UBE2W: variants seen among roughly 807,000 people sequenced by gnomAD.
UBE2W encodes ubiquitin-conjugating enzyme E2 W.
Under a neutral mutation model 27.2 loss-of-function variants are expected in UBE2W, and 18 were observed. That is an observed-to-expected ratio of 0.66 (90% CI 0.46 to 0.98). The LOEUF (loss-of-function observed/expected upper bound fraction) is 0.98, where lower values mean the gene tolerates loss of function less well. Ranked by LOEUF, UBE2W falls within the 50% of genes least tolerant of loss-of-function variation. UBE2W has a pLI of 0.00. For synonymous variants in UBE2W, 53 were observed against 57.2 expected, an observed-to-expected ratio of 0.93 and a Z score of 0.33; for missense variants, 90 against 180.2, an observed-to-expected ratio of 0.50 and a Z score of 2.87.
downstream of UBE2W, among the ~76,000 whole-genome samples, chr8:73,781,634 T>TA (rs1446472138): frequency 1.3e-4 from 19 of 150,138 alleles, no homozygotes; most frequent in Admixed American, 4.0e-4. Context: ...TTTTTTTTTT[T>TA]TTTATTTTTA....
intron 5 of UBE2W, chr8:73,795,747 T>A: frequency 1.0e-6 from 1 of 971,504 alleles, no homozygotes; most frequent in Non-Finnish European, 1.2e-6. Flanking sequence ...AAGAATAGTA[T>A]CTTTAAGAAA....
At position 73,793,759 on chromosome 8, in the gene UBE2W, C is replaced by T. The variant is rs896961239; in HGVS notation, c.*343G>A. The stretch of plus-strand genomic sequence containing the variant: ...TACAACGCCCATTGCCGGCAATGAA[C>T]GTACCAAAACCGCCAAGGAAGTCAT... On this transcript the variant is annotated 3_prime_UTR_variant, in exon 6 of 6. Coordinates refer to ENST00000602593, the MANE Select transcript of UBE2W (RefSeq NM_018299.6). 1.9e-6 allele frequency: 2 copies of T among 1,036,286 alleles called. No homozygotes were observed. Among genetic ancestry groups the T allele is most frequent in the South Asian group, 4.5e-5 (1 of 22,146 alleles). 64.2% of individuals were successfully genotyped at this position (1,036,286 alleles called of 1,614,324 possible).
chr8:73,850,379 T>G (rs146265858), intron 1 of UBE2W, among the ~76,000 whole-genome samples: 87 of 152,222 alleles, frequency 5.7e-4, no homozygotes, highest in African/African-American at 1.9e-3. Flanking sequence ...AGCACTTGCA[T>G]TTGTAGGTCA....
chr8:73,786,926 T>C lies in UBE2W; in HGVS notation c.*7176A>G, dbSNP rs1333882160. 3 of 985,442 alleles carry C rather than the reference T, an allele frequency of 3.0e-6. No homozygotes were observed. The highest frequency in any genetic ancestry group is 3.5e-5 in the African/African-American group (2 of 57,366). 61.0% of individuals were successfully genotyped at this position (985,442 alleles called of 1,614,324 possible). A position where few individuals can be genotyped will look rare whatever the true frequency, so the allele number is the denominator to read the frequency against. Reference sequence around the variant, plus strand: ...GAGGTATGGAAACATAAAATTTTAATGTTGAATTGGCTATCTGCAGGATAC... The same window carrying C: ...GAGGTATGGAAACATAAAATTTTAACGTTGAATTGGCTATCTGCAGGATAC... On this transcript the variant is annotated 3_prime_UTR_variant, in exon 6 of 6. Transcript: ENST00000602593.
intron 4 of UBE2W, among the ~76,000 whole-genome samples, chr8:73,809,434 A>G (rs1288592903): frequency 6.6e-6 from 1 of 152,192 alleles, no homozygotes; most frequent in Non-Finnish European, 1.5e-5. Flanking sequence ...GAAAACCCTC[A>G]TAGGGATTTA....
intron 3 of UBE2W, among the ~76,000 whole-genome samples, chr8:73,822,602 CAAAAAAAAAAAAAA>C (rs67427702): frequency 2.7e-4 from 14 of 51,222 alleles, no homozygotes; most frequent in South Asian, 1.3e-3. Flanking sequence ...CTTGCAACTG[CAAAAAAAAAAAAAA>C]AAAAAAAAAA....
At chr8:73,827,691 A>G (rs62508052) in intron 2 of UBE2W, among the ~76,000 whole-genome samples, 6,639 of 151,994 alleles carry the variant, frequency 0.044, 180 homozygotes, top group Non-Finnish European at 0.059. Context: ...CACCATGCCC[A>G]GCCAACTTTT....
chr8:73,786,542 G>C lies in UBE2W; in HGVS notation c.*7560C>G, dbSNP rs1397911626. ...AGATGACTGGTAGGGAGAGAAGAAA[G>C]GACAAGGATGATAACCTTTCAGCTA... On this transcript the variant is annotated 3_prime_UTR_variant, in exon 6 of 6. Coordinates refer to ENST00000602593, the MANE Select transcript of UBE2W (RefSeq NM_018299.6). 1 of 985,294 alleles carries C rather than the reference G, an allele frequency of 1.0e-6. No homozygotes were observed. Among genetic ancestry groups the C allele is most frequent in the Non-Finnish European group, 1.2e-6 (1 of 829,928 alleles). The allele number at this position is 985,294 out of a possible 1,614,324, so 61.0% of individuals were successfully genotyped here.
At chr8:73,844,868 G>T (rs1014594193) in intron 1 of UBE2W, among the ~76,000 whole-genome samples, 1 of 149,064 alleles carries the variant, frequency 6.7e-6, no homozygotes, top group African/African-American at 2.5e-5. Context: ...GAGCGTCTCC[G>T]ACGGGCCACC....
At chr8:73,843,292 C>T (rs531269757) in intron 1 of UBE2W, among the ~76,000 whole-genome samples, 3 of 152,098 alleles carry the variant, frequency 2.0e-5, no homozygotes, top group Admixed American at 1.3e-4. Context: ...TTTAAATTAT[C>T]GAGTGTAGAA....
At chr8:73,837,867 T>C (rs778333874) in intron 1 of UBE2W, among the ~76,000 whole-genome samples, 5 of 152,026 alleles carry the variant, frequency 3.3e-5, no homozygotes, top group Middle Eastern at 3.2e-3. Context: ...CAGACATCTA[T>C]CCTCCCCAGG....
At chr8:73,866,197 G>T (rs1811749867) in intron 1 of UBE2W, among the ~76,000 whole-genome samples, 1 of 149,402 alleles carries the variant, frequency 6.7e-6, no homozygotes. Flanking sequence ...CTTGAACCCG[G>T]GGGGTGGAGG....
At chr8:73,832,152 T>TATATATATA (rs1563601356) in intron 1 of UBE2W, among the ~76,000 whole-genome samples, 1 of 150,830 alleles carries the variant, frequency 6.6e-6, no homozygotes, top group African/African-American at 2.5e-5. Context: ...TATATATATA[T>TATATATATA]TAGCCAGGTG....
chr8:73,858,565 T>C (rs1287671236), intron 1 of UBE2W, among the ~76,000 whole-genome samples: 1 of 151,578 alleles, frequency 6.6e-6, no homozygotes, highest in Non-Finnish European at 1.5e-5. Flanking sequence ...AAATTCAGTA[T>C]ATTAACTGTT....
In UBE2W at chr8:73,807,292, C is replaced by T. The variant is rs77007379; in HGVS notation, c.367-1566G>A. On this transcript the variant is annotated intron_variant, in intron 4 of 5. Transcript: ENST00000602593. ...AATGAAAATGAGAGATTAAGGGAAT[C>T]CTCTCCTCTACCTGAGGCTAATGAA... is the stretch of plus-strand genomic sequence containing the variant. Among the ~76,000 whole-genome samples, 88 of 152,278 alleles carry T rather than the reference C, an allele frequency of 5.8e-4. 1 individual carries two copies. Among genetic ancestry groups the T allele is most frequent in the African/African-American group, 1.9e-3 (81 of 41,560 alleles).
intron 1 of UBE2W, among the ~76,000 whole-genome samples, chr8:73,835,911 G>C (rs1350897586): frequency 6.6e-6 from 1 of 152,084 alleles, no homozygotes; most frequent in African/African-American, 2.4e-5. Flanking sequence ...ATGATTTGTA[G>C]GCAAATCCTT....
chr8:73,783,636 C>T (rs542352924), downstream of UBE2W, among the ~76,000 whole-genome samples: 6 of 152,352 alleles, frequency 3.9e-5, no homozygotes, highest in African/African-American at 1.4e-4. Flanking sequence ...CCCATCCCCA[C>T]ATCCCCAGCT....
chr8:73,839,804 C>A (rs1810467808), intron 1 of UBE2W, among the ~76,000 whole-genome samples: 1 of 144,926 alleles, frequency 6.9e-6, no homozygotes, highest in African/African-American at 2.6e-5. Context: ...GCAATCTCTG[C>A]TCACTCAGCC....
downstream of UBE2W, among the ~76,000 whole-genome samples, chr8:73,784,591 T>C (rs1807901647): frequency 6.6e-6 from 1 of 152,192 alleles, no homozygotes; most frequent in Non-Finnish European, 1.5e-5. Flanking sequence ...TTCATTTGCT[T>C]CTGCATGTCA....
Sources: allele counts gnomAD v4.1 joint callset (sites outside exome capture counted in the v4.1 genomes callset), GRCh38; gene constraint gnomAD v4.1.1; transcripts MANE v1.5; gene names NCBI Gene and HGNC (gene_info 2026-07-23, HGNC 2026-07-21).